PDE1C: variants seen among roughly 807,000 people sequenced by gnomAD.
PDE1C encodes the protein dual specificity calcium/calmodulin-dependent 3',5'-cyclic nucleotide phosphodiesterase 1C.
A neutral mutation model predicts 93.1 loss-of-function variants in PDE1C; 62 were observed. That is an observed-to-expected ratio of 0.67 (90% CI 0.54 to 0.82). The LOEUF (loss-of-function observed/expected upper bound fraction) is 0.82, where lower values mean the gene tolerates loss of function less well. PDE1C is among the 40% of genes least tolerant of loss of function. PDE1C has a pLI of 0.00. For synonymous variants in PDE1C, 325 were observed against 310.1 expected (o/e 1.05, Z -0.50); for missense variants, 742 against 884.6 (o/e 0.84, Z 2.04).
chr7:32,055,871 CACCA>C (rs1302519240), intron 1 of PDE1C, among the ~76,000 whole-genome samples: 3 of 152,116 alleles, frequency 2.0e-5, no homozygotes. Context: ...AGGTGCATGC[CACCA>C]TGCCCAGCTA....
chr7:31,719,241 T>A, the PDE1C span, among the ~76,000 whole-genome samples: 2 of 152,130 alleles, frequency 1.3e-5, no homozygotes, highest in Non-Finnish European at 2.9e-5. Flanking sequence ...CTCCCAGCCA[T>A]CCCTAGTACT....
At chr7:31,870,348 A>C (rs761893902) in intron 6 of PDE1C, among the ~76,000 whole-genome samples, 28 of 152,004 alleles carry the variant, frequency 1.8e-4, no homozygotes, top group Non-Finnish European at 3.4e-4. Context: ...AAAATAAATA[A>C]ATTGCTAGCT....
At chr7:32,190,693 C>T (rs1445341665) in intron 2 of PDE1C, among the ~76,000 whole-genome samples, 1 of 152,152 alleles carries the variant, frequency 6.6e-6, no homozygotes, top group Non-Finnish European at 1.5e-5. Context: ...ACCTACGATA[C>T]ACTGACTGGT....
intron 2 of PDE1C, among the ~76,000 whole-genome samples, chr7:32,006,564 T>C (rs1786288252): frequency 6.6e-6 from 1 of 152,202 alleles, no homozygotes; most frequent in Non-Finnish European, 1.5e-5. Context: ...GGCCCATCAC[T>C]TACAGCTGGT....
intron 1 of PDE1C, among the ~76,000 whole-genome samples, chr7:32,365,014 G>C (rs920543899): frequency 2.0e-5 from 3 of 152,230 alleles, no homozygotes; most frequent in Non-Finnish European, 2.9e-5. Context: ...TCAAGCCTCT[G>C]AGCAGCTGAC....
In PDE1C at chr7:32,035,480, C is replaced by G. The variant is rs996577598; in HGVS notation, c.128+16074G>C. On this transcript the variant is annotated intron_variant, in intron 2 of 17. Coordinates refer to ENST00000396191, the MANE Select transcript of PDE1C (RefSeq NM_001191057.4). ...ACGTTTCTTTCCTCTTTCTTTAACT[C>G]TTACACCTAGCTTGTTTGTTTGGTT... 5.9e-5 allele frequency among the ~76,000 whole-genome samples: 9 copies of G among 152,172 alleles called. No homozygotes were observed. The South Asian group carries it at 8.3e-4, about 14-fold the overall frequency.
chr7:31,886,323 C>G (rs1257178170), intron 2 of PDE1C, among the ~76,000 whole-genome samples: 1 of 152,194 alleles, frequency 6.6e-6, no homozygotes, highest in Admixed American at 6.5e-5. Context: ...TGGGATGCCC[C>G]AACATGACTT....
chr7:32,262,032 A>T (rs796567348), intron 1 of PDE1C, among the ~76,000 whole-genome samples: 2,410 of 95,020 alleles, frequency 0.025, 98 homozygotes, highest in African/African-American at 0.099. Context: ...TTTTTTTTTT[A>T]ATGTGACATC....
At chr7:32,201,022 T>C (rs1804972267) in intron 2 of PDE1C, among the ~76,000 whole-genome samples, 1 of 152,196 alleles carries the variant, frequency 6.6e-6, no homozygotes, top group Non-Finnish European at 1.5e-5. Flanking sequence ...TGTTACTAGA[T>C]TCCATGGACT....
Position 31,972,907 on chromosome 7 carries a change from C to T in PDE1C, c.128+78647G>A, listed in dbSNP as rs184874887. On this transcript the variant is annotated intron_variant, in intron 2 of 17. Coordinates refer to ENST00000396191, the MANE Select transcript of PDE1C (RefSeq NM_001191057.4). ...CTTCTGCCTCCAAATTTGGTGATGCCAGGCCAACCCATAGAAGCACTTTTC... is the reference window on the plus strand; with the variant it reads ...CTTCTGCCTCCAAATTTGGTGATGCTAGGCCAACCCATAGAAGCACTTTTC... Among the ~76,000 whole-genome samples the T allele has an allele frequency of 4.1e-3, 629 of 152,178 alleles. 3 individuals are homozygous for T. The highest frequency in any genetic ancestry group is 0.014 in the African/African-American group (584 of 41,528).
At chr7:32,147,296 G>GAA (rs1563352697) in intron 3 of PDE1C, among the ~76,000 whole-genome samples, 21 of 137,480 alleles carry the variant, frequency 1.5e-4, no homozygotes, top group African/African-American at 5.5e-4. Context: ...AAGAAAGAAA[G>GAA]AAAGAAAGAA....
chr7:32,196,735 G>A (rs546354472), intron 2 of PDE1C, among the ~76,000 whole-genome samples: 37 of 152,204 alleles, frequency 2.4e-4, no homozygotes, highest in African/African-American at 7.9e-4. Flanking sequence ...AGAGGAAGAC[G>A]GAGACTCAGT....
chr7:31,719,168 T>C, the PDE1C span, among the ~76,000 whole-genome samples: 1 of 152,186 alleles, frequency 6.6e-6, no homozygotes, highest in Non-Finnish European at 1.5e-5. Flanking sequence ...CTACCAGAAA[T>C]GTTTTGACAA....
chr7:31,797,730 C>T (rs931393627), intron 16 of PDE1C, among the ~76,000 whole-genome samples: 2 of 150,864 alleles, frequency 1.3e-5, no homozygotes, highest in African/African-American at 4.9e-5. Context: ...CTAAAGTGGA[C>T]AAAAAATAAT....
chr7:32,186,087 GTTTTTTTTTTTTT>G (rs10561469), intron 2 of PDE1C, among the ~76,000 whole-genome samples: 2 of 128,570 alleles, frequency 1.6e-5, no homozygotes, highest in African/African-American at 2.9e-5. Flanking sequence ...TTGTTTTTTT[GTTTTTTTTTTTTT>G]TTTTTTTTTT....
intron 2 of PDE1C, chr7:32,170,072 C>T (rs1203509896): frequency 2.3e-6 from 2 of 859,610 alleles, no homozygotes; most frequent in African/African-American, 3.4e-5. Context: ...ATATTTCTCA[C>T]CATCTCCGCC....
the PDE1C span, among the ~76,000 whole-genome samples, chr7:31,651,607 A>T: frequency 4.6e-5 from 7 of 152,150 alleles, no homozygotes; most frequent in African/African-American, 1.7e-4. Flanking sequence ...GATGGAAATC[A>T]GGTTTAACTG....
At chr7:31,689,794 T>A in the PDE1C span, among the ~76,000 whole-genome samples, 1 of 152,220 alleles carries the variant, frequency 6.6e-6, no homozygotes, top group East Asian at 1.9e-4. Flanking sequence ...TCATTCATGA[T>A]AAAAGTATCT....
At chr7:32,163,469 G>T (rs576527543) in intron 3 of PDE1C, among the ~76,000 whole-genome samples, 47 of 152,312 alleles carry the variant, frequency 3.1e-4, no homozygotes, top group African/African-American at 1.0e-3. Flanking sequence ...ATCCGTAGCT[G>T]AGGGTGTTGG....
Sources: gnomAD v4.1 joint callset for allele counts (sites outside exome capture counted in the v4.1 genomes callset) on GRCh38, gnomAD v4.1.1 for gene constraint, MANE v1.5 for transcripts, NCBI Gene and HGNC (gene_info 2026-07-23, HGNC 2026-07-21) for gene names.